FAM13B: variants seen among roughly 807,000 people sequenced by gnomAD.
FAM13B encodes the protein family with sequence similarity 13 member B.
Under a neutral mutation model 117.3 loss-of-function variants are expected in FAM13B, and 60 were observed. The ratio of observed to expected loss-of-function variants is 0.51; its 90% confidence interval spans 0.42 to 0.63. The LOEUF is 0.63. FAM13B is among the 30% of genes least tolerant of loss of function. The pLI, the probability that FAM13B is intolerant of heterozygous loss-of-function variation, is 0.00. For missense variants in FAM13B, 972 were observed against 1,091.9 expected (o/e 0.89, Z 1.55); for synonymous variants, 332 against 356.1 (o/e 0.93, Z 0.76).
intron 14 of FAM13B, among the ~76,000 whole-genome samples, chr5:137,955,911 C>T (rs758629776): frequency 1.6e-4 from 24 of 152,226 alleles, no homozygotes; most frequent in Non-Finnish European, 2.4e-4. Flanking sequence ...GGATTACAAG[C>T]GTGAGCCACC....
intron 10 of FAM13B, among the ~76,000 whole-genome samples, chr5:137,965,025 T>C (rs1299329348): frequency 6.6e-6 from 1 of 151,932 alleles, no homozygotes; most frequent in Non-Finnish European, 1.5e-5. Flanking sequence ...ATCAGCCAGG[T>C]GCAGTAGTGT....
intron 10 of FAM13B, among the ~76,000 whole-genome samples, chr5:137,976,718 G>A (rs1201510457): frequency 6.6e-6 from 1 of 152,058 alleles, no homozygotes; most frequent in Non-Finnish European, 1.5e-5. Flanking sequence ...TTTCATGGAC[G>A]CTTATCACCT....
At chr5:138,047,447 A>G (rs1791675288) in intron 1 of FAM13B, among the ~76,000 whole-genome samples, 1 of 151,472 alleles carries the variant, frequency 6.6e-6, no homozygotes, top group Admixed American at 6.6e-5. Context: ...CAGAGGTTGC[A>G]GTGAGCCGAG....
rs774370482 is a variant in FAM13B, at chr5:138,011,037, A to G, written c.661T>C (p.Ser221Pro). ...TCAGTAATTGAACTCAAATCATTAG[A>G]TGAAAAATCTTCCTCTTCATTCTCA... ...FFENEEEDFS[S>P]NDLSSITEQV... Residue 221 changes from serine to proline, a missense_variant, in exon 6 of 24, where the codon TCT becomes CCT. Ser to Pro is a moderately conservative substitution (Grantham distance 74, BLOSUM62 -1). Transcript: ENST00000689681. 6.2e-7 allele frequency: 1 copy of G among 1,606,402 alleles called. No homozygotes were observed. Among genetic ancestry groups the G allele is most frequent in the Non-Finnish European group, 8.5e-7 (1 of 1,178,646 alleles).
intron 10 of FAM13B, among the ~76,000 whole-genome samples, chr5:137,977,417 T>C (rs1384215665): frequency 6.6e-6 from 1 of 152,078 alleles, no homozygotes; most frequent in African/African-American, 2.4e-5. Flanking sequence ...ATACACTCCC[T>C]CTCCTTTTGA....
Position 137,956,468 on chromosome 5 carries a change from C to T in FAM13B, c.1507+9G>A. 1.3e-6 allele frequency: 2 copies of T among 1,584,736 alleles called. No individual in the cohort carries two copies. Among genetic ancestry groups the T allele is most frequent in the Non-Finnish European group, 1.7e-6 (2 of 1,163,326 alleles). On this transcript the variant is annotated intron_variant, in intron 14 of 23. Transcript: ENST00000689681. Reference sequence around the variant, plus strand: ...GCAAAAAAACTAAACTATGGTGAACCATACTTACCCTCCCCATCTCTCTGC... The same window carrying T: ...GCAAAAAAACTAAACTATGGTGAACTATACTTACCCTCCCCATCTCTCTGC...
At chr5:138,007,175 T>C in intron 6 of FAM13B, 28 bp from the exon 7 acceptor site, 4 of 1,507,352 alleles carry the variant, frequency 2.7e-6, no homozygotes, top group Non-Finnish European at 3.6e-6. Context: ...AATTCAGAAT[T>C]AAAATGTAAT....
intron 1 of FAM13B, among the ~76,000 whole-genome samples, chr5:138,049,272 G>C (rs565640471): frequency 2.0e-5 from 3 of 149,876 alleles, no homozygotes; most frequent in Admixed American, 1.3e-4. Flanking sequence ...TTTTGTTTTT[G>C]TTTTTGTTTT....
intron 10 of FAM13B, among the ~76,000 whole-genome samples, chr5:137,978,231 GA>G (rs1774601524): frequency 6.6e-6 from 1 of 150,606 alleles, no homozygotes; most frequent in African/African-American, 2.4e-5. Flanking sequence ...TTTTTCCGAT[GA>G]AGAAACCCCC....
chr5:137,964,347 G>A (rs1769032037), intron 10 of FAM13B, among the ~76,000 whole-genome samples: 1 of 151,730 alleles, frequency 6.6e-6, no homozygotes, highest in African/African-American at 2.4e-5. Flanking sequence ...CTGACCTCAA[G>A]TGATCCATCT....
intron 1 of FAM13B, among the ~76,000 whole-genome samples, chr5:138,027,321 A>G (rs1788689021): frequency 1.3e-5 from 2 of 152,326 alleles, no homozygotes; most frequent in South Asian, 4.1e-4. Flanking sequence ...CCCTATTATC[A>G]CTGGTATACA....
chr5:137,965,906 T>C (rs1460925341), intron 10 of FAM13B, among the ~76,000 whole-genome samples: 3 of 152,198 alleles, frequency 2.0e-5, no homozygotes, highest in Non-Finnish European at 4.4e-5. Context: ...TTACTGATGA[T>C]AAATCCAGGT....
chr5:138,047,885 C>A, intron 1 of FAM13B, among the ~76,000 whole-genome samples: 1 of 152,156 alleles, frequency 6.6e-6, no homozygotes, highest in East Asian at 1.9e-4. Flanking sequence ...CCAGTGAGAC[C>A]CACGTCAGAC....
chr5:137,962,391 G>T lies in FAM13B; in HGVS notation c.1244+14C>A. On this transcript the variant is annotated intron_variant, in intron 11 of 23. Transcript: ENST00000689681. The stretch of plus-strand genomic sequence containing the variant: ...TCTCAAAATGATTAATTAGCAACAA[G>T]AAAAAATGCTTACCTCTCAAGACAG... The T allele has an allele frequency of 6.2e-7, 1 of 1,611,110 alleles. No homozygotes were observed. Among genetic ancestry groups the T allele is most frequent in the African/African-American group, 1.3e-5 (1 of 74,878 alleles).
In FAM13B at chr5:137,939,714, C is replaced by G. The variant is rs890076936; in HGVS notation, c.*511G>C. 7.5e-6 allele frequency: 2 copies of G among 268,270 alleles called. No homozygotes were observed. The highest frequency in any genetic ancestry group is 1.2e-5 in the Non-Finnish European group (2 of 164,614). The allele number at this position is 268,270 out of a possible 1,614,324, so 16.6% of individuals were successfully genotyped here. On this transcript the variant is annotated 3_prime_UTR_variant, in exon 24 of 24. Transcript: ENST00000689681. Reference sequence around the variant, plus strand: ...TGTTCCATAGTACGACTTGAAATCTCAGTTTGATTTTGGTTTTCTAGGAAA... The same window carrying G: ...TGTTCCATAGTACGACTTGAAATCTGAGTTTGATTTTGGTTTTCTAGGAAA...
intron 10 of FAM13B, among the ~76,000 whole-genome samples, chr5:137,970,241 A>G (rs1771657325): frequency 6.6e-6 from 1 of 152,046 alleles, no homozygotes; most frequent in Non-Finnish European, 1.5e-5. Context: ...AGGGAAGCCC[A>G]TCAGACTAAC....
chr5:137,951,871 G>C (rs2150206180), intron 17 of FAM13B, among the ~76,000 whole-genome samples: 1 of 152,034 alleles, frequency 6.6e-6, no homozygotes, highest in South Asian at 2.1e-4. Flanking sequence ...CAGCTACTCG[G>C]GAGGCTAAGG....
In FAM13B at chr5:137,953,449, A is replaced by C; in HGVS notation, c.1735T>G (p.Phe579Val). 4 of 1,613,814 alleles carry C rather than the reference A, an allele frequency of 2.5e-6. No homozygotes were observed. Among genetic ancestry groups the C allele is most frequent in the Non-Finnish European group, 3.4e-6 (4 of 1,179,910 alleles). Residue 579 changes from phenylalanine (F) to valine (V), a missense_variant, in exon 16 of 24, where the codon TTT (phenylalanine) becomes GTT (valine). Transcript: ENST00000689681. ...TCTCTCTTTTCATCTTTTGAACTAAAGGATGATCTTCGAATTCTGAATTAA... is the reference window on the plus strand; with the variant it reads ...TCTCTCTTTTCATCTTTTGAACTAACGGATGATCTTCGAATTCTGAATTAA... ...LSFTRIRRSS[F>V]SSKDEKREDR...
chr5:137,943,889 T>C (rs1170516342), intron 20 of FAM13B, among the ~76,000 whole-genome samples: 2 of 152,216 alleles, frequency 1.3e-5, no homozygotes, highest in Admixed American at 1.3e-4. Flanking sequence ...TAATTATATA[T>C]CATAAAATTC....
Sources: allele counts gnomAD v4.1 joint callset (sites outside exome capture counted in the v4.1 genomes callset), GRCh38; gene constraint gnomAD v4.1.1; transcripts MANE v1.5; gene names NCBI Gene and HGNC (gene_info 2026-07-23, HGNC 2026-07-21).